Variants in SDK1 observed in about 807,000 individuals in gnomAD.
SDK1 encodes the protein sidekick cell adhesion molecule 1.
SDK1 carries 157 observed loss-of-function variants against 245.5 expected under a neutral mutation model. The ratio of observed to expected loss-of-function variants is 0.64; its 90% CI spans 0.56 to 0.73. The LOEUF is 0.73. Among genes scored for constraint, SDK1 ranks in the 30% least tolerant of loss-of-function variants. SDK1 has a pLI of 0.00. For synonymous variants in SDK1, 1,647 were observed against 1,278.5 expected (o/e 1.29, Z -6.15); for missense variants, 3,583 against 3,002.3 (o/e 1.19, Z -4.52).
intron 12 of SDK1, among the ~76,000 whole-genome samples, chr7:3,973,325 C>G (rs1312642333): frequency 2.6e-5 from 4 of 152,172 alleles, no homozygotes; most frequent in African/African-American, 9.7e-5. Context: ...CTTTAAAGAA[C>G]TGGGCACATT....
chr7:3,893,998 A>G (rs1562518261), intron 5 of SDK1, among the ~76,000 whole-genome samples: 1 of 152,206 alleles, frequency 6.6e-6, no homozygotes, highest in Admixed American at 6.5e-5. Context: ...GCAGAGATGT[A>G]TAAGATACGA....
At chr7:4,058,764 A>C (rs1455192107) in intron 19 of SDK1, among the ~76,000 whole-genome samples, 2 of 152,348 alleles carry the variant, frequency 1.3e-5, no homozygotes, top group African/African-American at 4.8e-5. Flanking sequence ...TACCCTTCAC[A>C]AATGAAAGAG....
intron 5 of SDK1, among the ~76,000 whole-genome samples, chr7:3,906,944 G>A (rs981924126): frequency 6.6e-6 from 1 of 151,944 alleles, no homozygotes; most frequent in African/African-American, 2.4e-5. Context: ...TGTCTTTTTT[G>A]ATCTCCTTTC....
At chr7:3,951,649 C>T (rs778672153) in intron 6 of SDK1, 81 bp from the exon 7 acceptor site, 5 of 1,305,586 alleles carry the variant, frequency 3.8e-6, no homozygotes, top group African/African-American at 1.5e-5. Flanking sequence ...TTCGTCAAGC[C>T]TGTGCCGAGT....
intron 1 of SDK1, among the ~76,000 whole-genome samples, chr7:3,515,157 A>C (rs1782703164): frequency 6.6e-6 from 1 of 152,156 alleles, no homozygotes; most frequent in South Asian, 2.1e-4. Context: ...GTCAATTCTC[A>C]TTCTGCTGTT....
chr7:3,798,184 G>A (rs1194714246), intron 4 of SDK1, among the ~76,000 whole-genome samples: 1 of 143,828 alleles, frequency 7.0e-6, no homozygotes, highest in Non-Finnish European at 1.5e-5. Context: ...TCCAATCTGT[G>A]ACCTTGTCTT....
chr7:4,223,843 T>C (rs1487426143), intron 40 of SDK1, among the ~76,000 whole-genome samples: 5 of 152,202 alleles, frequency 3.3e-5, no homozygotes, highest in African/African-American at 1.2e-4. Flanking sequence ...AGGAGTACTT[T>C]CGTATGACTT....
At chr7:4,148,575 G>A (rs1400675541) in intron 29 of SDK1, among the ~76,000 whole-genome samples, 1 of 152,208 alleles carries the variant, frequency 6.6e-6, no homozygotes, top group Non-Finnish European at 1.5e-5. Context: ...AGCGTTAAAG[G>A]TGGACTGAGC....
At chr7:3,333,437 A>G (rs1176182578) in intron 1 of SDK1, among the ~76,000 whole-genome samples, 2 of 152,116 alleles carry the variant, frequency 1.3e-5, no homozygotes, top group African/African-American at 2.4e-5. Context: ...GACTGTGACT[A>G]TGGAATGCTT....
intron 1 of SDK1, among the ~76,000 whole-genome samples, chr7:3,528,103 G>A (rs1266100048): frequency 1.4e-5 from 2 of 147,688 alleles, no homozygotes; most frequent in African/African-American, 5.0e-5. Context: ...AAGGGTAGGA[G>A]GTAAGGTTGG....
At chr7:3,610,389 T>G (rs987482657) in intron 1 of SDK1, among the ~76,000 whole-genome samples, 5 of 152,268 alleles carry the variant, frequency 3.3e-5, no homozygotes, top group African/African-American at 7.2e-5. Context: ...AGAATAATGT[T>G]GGTTATTTCT....
In SDK1 at chr7:4,011,092, A is replaced by G. The variant is rs756211959; in HGVS notation, c.2258A>G (p.Gln753Arg). Reference sequence around the variant, plus strand: ...GCGGTGAATGAAGTGGGCAGGGGCCAGTACAGCGCCGAGACAAGCAGGTGC... The same window carrying G: ...GCGGTGAATGAAGTGGGCAGGGGCCGGTACAGCGCCGAGACAAGCAGGTGC... Reference protein sequence around the residue: ...VCAVNEVGRGQYSAETSRLML... With the variant: ...VCAVNEVGRGRYSAETSRLML... Residue 753 changes from glutamine to arginine, a missense_variant, in exon 15 of 45, where the codon CAG becomes CGG. Transcript: ENST00000404826. 26 of 1,614,034 alleles carry G rather than the reference A, an allele frequency of 1.6e-5. No individual in the cohort carries two copies. Among genetic ancestry groups the G allele is most frequent in the Non-Finnish European group, 2.1e-5 (25 of 1,180,026 alleles).
chr7:3,617,501 A>T (rs1012983789), intron 1 of SDK1, among the ~76,000 whole-genome samples: 1 of 152,218 alleles, frequency 6.6e-6, no homozygotes, highest in Non-Finnish European at 1.5e-5. Context: ...GCCCCACAGT[A>T]GGTGTCTCAC....
intron 4 of SDK1, among the ~76,000 whole-genome samples, chr7:3,712,610 A>G (rs77983436): frequency 6.6e-6 from 1 of 152,192 alleles, no homozygotes; most frequent in Non-Finnish European, 1.5e-5. Context: ...CTACAGCATT[A>G]TAACGATATT....
At chr7:3,864,318 T>G (rs1780769175) in intron 5 of SDK1, among the ~76,000 whole-genome samples, 1 of 152,174 alleles carries the variant, frequency 6.6e-6, no homozygotes, top group Non-Finnish European at 1.5e-5. Flanking sequence ...TAGTCAATCA[T>G]TTTTACATAT....
intron 22 of SDK1, among the ~76,000 whole-genome samples, chr7:4,089,951 C>T (rs1781681618): frequency 6.6e-6 from 1 of 152,152 alleles, no homozygotes; most frequent in Admixed American, 6.5e-5. Context: ...CTTCTGTGAC[C>T]TTGACAATTT....
intron 1 of SDK1, among the ~76,000 whole-genome samples, chr7:3,453,062 G>A (rs1228706462): frequency 2.0e-5 from 3 of 152,110 alleles, no homozygotes; most frequent in Admixed American, 6.5e-5. Context: ...CCACGATAGA[G>A]TGGACCCTGT....
chr7:3,808,636 C>G lies in SDK1; in HGVS notation c.714-12814C>G, dbSNP rs569549597. ...AGGGGACCAGGATTTTAAAGAGCTCCCAGCCTTGTTGATAAATCAGTTTCC... is the reference window on the plus strand; with the variant it reads ...AGGGGACCAGGATTTTAAAGAGCTCGCAGCCTTGTTGATAAATCAGTTTCC... On this transcript the variant is annotated intron_variant, in intron 4 of 44. Coordinates refer to ENST00000404826, the MANE Select transcript of SDK1 (RefSeq NM_152744.4). Among the ~76,000 whole-genome samples, 23 of 152,236 alleles carry G rather than the reference C, an allele frequency of 1.5e-4. 1 individual carries two copies. Among genetic ancestry groups the G allele is most frequent in the East Asian group, 9.7e-4 (5 of 5,168 alleles).
chr7:3,591,940 G>C (rs1780888565), intron 1 of SDK1, among the ~76,000 whole-genome samples: 1 of 152,196 alleles, frequency 6.6e-6, no homozygotes, highest in South Asian at 2.1e-4. Flanking sequence ...TTCCACAAAA[G>C]GTGACTTCTC....
Sources: gnomAD v4.1 joint callset for allele counts (sites outside exome capture counted in the v4.1 genomes callset) on GRCh38, gnomAD v4.1.1 for gene constraint, MANE v1.5 for transcripts, NCBI Gene and HGNC (gene_info 2026-07-23, HGNC 2026-07-21) for gene names.